DLGAP2: variants seen among roughly 807,000 people sequenced by gnomAD.
The protein encoded by DLGAP2 is DLG associated protein 2, also known as disks large-associated protein 2.
In DLGAP2, 26 loss-of-function variants were observed where a neutral mutation model predicts 100.3. That is an observed-to-expected ratio of 0.26 (90% CI 0.19 to 0.36). The LOEUF is 0.36. Among genes scored for constraint, DLGAP2 ranks in the 10% least tolerant of loss-of-function variants. DLGAP2 has a pLI of 1.00. For missense variants in DLGAP2, 1,858 were observed against 1,453.2 expected (o/e 1.28, Z -4.53); for synonymous variants, 886 against 630.1 (o/e 1.41, Z -6.08).
chr8:1,590,096 C>T (rs964670888), intron 6 of DLGAP2, among the ~76,000 whole-genome samples: 69 of 152,184 alleles, frequency 4.5e-4, no homozygotes, highest in African/African-American at 1.6e-3. Flanking sequence ...ACTCCACCCT[C>T]GGCCTCTGCC....
At chr8:1,003,655 G>T (rs1475118508) in intron 2 of DLGAP2, among the ~76,000 whole-genome samples, 2 of 152,232 alleles carry the variant, frequency 1.3e-5, no homozygotes, top group Non-Finnish European at 2.9e-5. Flanking sequence ...AGCATCTGGA[G>T]ATTTGACTGG....
chr8:1,477,949 G>T (rs1798981845), intron 3 of DLGAP2, among the ~76,000 whole-genome samples: 1 of 152,206 alleles, frequency 6.6e-6, no homozygotes, highest in Admixed American at 6.5e-5. Flanking sequence ...TGCATTTTCA[G>T]TGGTGGGAGG....
intron 4 of DLGAP2, among the ~76,000 whole-genome samples, chr8:1,501,722 T>G (rs1449020178): frequency 1.3e-5 from 2 of 152,238 alleles, no homozygotes; most frequent in Non-Finnish European, 2.9e-5. Context: ...CTTGCTCCTC[T>G]GTGTCTAAAC....
chr8:952,697 A>G (rs994130821), intron 2 of DLGAP2, among the ~76,000 whole-genome samples: 5 of 152,228 alleles, frequency 3.3e-5, no homozygotes, highest in Non-Finnish European at 4.4e-5. Context: ...AGAAACAGGT[A>G]TATATGAAAA....
chr8:1,096,903 C>T (rs1416137042), intron 2 of DLGAP2, among the ~76,000 whole-genome samples: 3 of 122,540 alleles, frequency 2.4e-5, no homozygotes, highest in African/African-American at 9.0e-5. Flanking sequence ...GTGAGACCCA[C>T]CTCCCTGCGC....
At chr8:1,507,295 G>C (rs1309187823) in intron 4 of DLGAP2, among the ~76,000 whole-genome samples, 1 of 152,178 alleles carries the variant, frequency 6.6e-6, no homozygotes, top group Non-Finnish European at 1.5e-5. Context: ...CCCGAGCCCT[G>C]TCCCACGGGG....
At chr8:1,009,058 C>T (rs952643697) in intron 2 of DLGAP2, among the ~76,000 whole-genome samples, 1 of 152,194 alleles carries the variant, frequency 6.6e-6, no homozygotes, top group Non-Finnish European at 1.5e-5. Flanking sequence ...TGGGTGGGGG[C>T]CCTGATGGGG....
At chr8:1,128,300 C>T (rs2129048691) in intron 2 of DLGAP2, among the ~76,000 whole-genome samples, 1 of 149,964 alleles carries the variant, frequency 6.7e-6, no homozygotes, top group Admixed American at 6.6e-5. Context: ...TGAGGACCTG[C>T]TCCTGGTGTT....
chr8:966,951 C>G lies in DLGAP2; in HGVS notation c.73+58985C>G, dbSNP rs74935129. Among the ~76,000 whole-genome samples, 4 of 152,358 alleles carry G rather than the reference C, an allele frequency of 2.6e-5. No homozygotes were observed. The East Asian group carries it at 7.7e-4, about 29-fold the overall frequency. On this transcript the variant is annotated intron_variant, in intron 2 of 14. Transcript: ENST00000637795. ...ACTTGACATACATCAGATAAATCTACTGGCCATTGATGTGTCTCTTGCATT... is the reference window on the plus strand; with the variant it reads ...ACTTGACATACATCAGATAAATCTAGTGGCCATTGATGTGTCTCTTGCATT...
At chr8:1,049,133 A>G (rs1802600075) in intron 2 of DLGAP2, among the ~76,000 whole-genome samples, 2 of 152,208 alleles carry the variant, frequency 1.3e-5, no homozygotes, top group Admixed American at 1.3e-4. Flanking sequence ...GGCACTGTCA[A>G]TAATGTTTAG....
intron 3 of DLGAP2, among the ~76,000 whole-genome samples, chr8:1,276,216 C>T (rs574597490): frequency 1.3e-5 from 2 of 150,798 alleles, no homozygotes; most frequent in Non-Finnish European, 1.5e-5. Flanking sequence ...ACACTCCCCC[C>T]CCGACCCTAG....
At chr8:1,168,795 G>A (rs1316852259) in intron 2 of DLGAP2, among the ~76,000 whole-genome samples, 3 of 128,398 alleles carry the variant, frequency 2.3e-5, no homozygotes, top group Admixed American at 8.5e-5. Context: ...TTTGTCAGAT[G>A]AGTAGGTTGC....
chr8:1,272,697 G>T lies in DLGAP2; in HGVS notation c.106+13814G>T, dbSNP rs539704595. The stretch of plus-strand genomic sequence containing the variant: ...CTGGTGTGCAGGACCCTATGGGAAG[G>T]CCAGGCCTGAGGAGTGTGGTGTCAA... On this transcript the variant is annotated intron_variant, in intron 3 of 14. Transcript: ENST00000637795. Among the ~76,000 whole-genome samples, 56 of 152,246 alleles carry T rather than the reference G, an allele frequency of 3.7e-4. 1 individual carries two copies. Among genetic ancestry groups the T allele is most frequent in the Admixed American group, 3.5e-3 (53 of 15,296 alleles).
chr8:980,933 T>TA (rs796732261), intron 2 of DLGAP2, among the ~76,000 whole-genome samples: 18 of 152,282 alleles, frequency 1.2e-4, no homozygotes, highest in African/African-American at 4.3e-4. Context: ...GTACATAACA[T>TA]AAAATTTACC....
chr8:1,313,423 G>A lies in DLGAP2; in HGVS notation c.106+54540G>A, dbSNP rs187330938. Among the ~76,000 whole-genome samples, 821 of 152,260 alleles carry A rather than the reference G, an allele frequency of 5.4e-3. 7 individuals are homozygous for A. Among genetic ancestry groups the A allele is most frequent in the Non-Finnish European group, 6.3e-3 (432 of 68,036 alleles). ...CCCTCCGGTTGTCTGCACATGTGCC[G>A]TTCAGCTATGCTCTCACCTATAATC... On this transcript the variant is annotated intron_variant, in intron 3 of 14. Transcript: ENST00000637795.
chr8:1,015,004 C>T (rs868648513), intron 2 of DLGAP2, among the ~76,000 whole-genome samples: 13 of 3,208 alleles, frequency 4.1e-3, no homozygotes, highest in African/African-American at 8.8e-3. Context: ...GGACAGACGA[C>T]GCCTCCACTG....
intron 2 of DLGAP2, chr8:910,243 G>T (rs1032644101): frequency 6.6e-6 from 1 of 152,112 alleles, no homozygotes; most frequent in East Asian, 1.9e-4. Context: ...CTTTTTTCTC[G>T]TTTGGTTTTT....
chr8:1,121,366 C>T (rs189510054), intron 2 of DLGAP2, among the ~76,000 whole-genome samples: 7 of 151,904 alleles, frequency 4.6e-5, no homozygotes, highest in South Asian at 4.2e-4. Context: ...AACCCATGAC[C>T]TGCCATCCTT....
chr8:1,428,104 AAAAT>A (rs569116302), intron 3 of DLGAP2, among the ~76,000 whole-genome samples: 81 of 152,194 alleles, frequency 5.3e-4, no homozygotes, highest in African/African-American at 1.9e-3. Context: ...TACGCTAAAT[AAAAT>A]AAGAGAAAGA....
Sources: gnomAD v4.1 joint callset for allele counts (sites outside exome capture counted in the v4.1 genomes callset) on GRCh38, gnomAD v4.1.1 for gene constraint, MANE v1.5 for transcripts, NCBI Gene and HGNC (gene_info 2026-07-23, HGNC 2026-07-21) for gene names.